The following AGPAT5 variants were observed in gnomAD, a reference collection of about 807,000 sequenced individuals.
The protein encoded by AGPAT5 is 1-acylglycerol-3-phosphate O-acyltransferase 5, also known as 1-acyl-sn-glycerol-3-phosphate acyltransferase epsilon.
In AGPAT5, 46 loss-of-function variants were observed where a neutral mutation model predicts 45.6. That is an observed-to-expected ratio of 1.01 (90% CI 0.80 to 1.29). The LOEUF is 1.29. Ranked by LOEUF, AGPAT5 falls within the 50% of genes most tolerant of loss-of-function variation. The pLI, the probability that AGPAT5 is intolerant of heterozygous loss-of-function variation, is 0.00. For missense variants in AGPAT5, 673 were observed against 450.7 expected, an observed-to-expected ratio of 1.49 and a Z score of -4.47; for synonymous variants, 272 against 167.0, an observed-to-expected ratio of 1.63 and a Z score of -4.85.
At chr8:6,719,456 C>T (rs574308557) in intron 1 of AGPAT5, among the ~76,000 whole-genome samples, 7 of 152,288 alleles carry the variant, frequency 4.6e-5, no homozygotes, top group South Asian at 2.1e-4. Flanking sequence ...AATTCCCACC[C>T]GGAACAGGAA....
At chr8:6,727,673 G>A (rs986766129) in intron 2 of AGPAT5, among the ~76,000 whole-genome samples, 2 of 152,188 alleles carry the variant, frequency 1.3e-5, no homozygotes, top group Non-Finnish European at 2.9e-5. Flanking sequence ...GAGCCACTGT[G>A]CCCTGCCTGC....
At chr8:6,755,462 A>T (rs916720677) in intron 7 of AGPAT5, among the ~76,000 whole-genome samples, 3 of 152,172 alleles carry the variant, frequency 2.0e-5, no homozygotes, top group East Asian at 3.9e-4. Flanking sequence ...ACACAAAAAA[A>T]CTTTCCAGTG....
At chr8:6,739,018 A>AT (rs1235638594) in intron 4 of AGPAT5, among the ~76,000 whole-genome samples, 13 of 151,980 alleles carry the variant, frequency 8.6e-5, no homozygotes, top group East Asian at 1.9e-4. Flanking sequence ...CGAAGTTCAT[A>AT]TTTTTTTAAT....
intron 4 of AGPAT5, among the ~76,000 whole-genome samples, chr8:6,739,896 A>G (rs1009819063): frequency 1.3e-5 from 2 of 152,048 alleles, no homozygotes; most frequent in Admixed American, 6.5e-5. Context: ...TGCCCTTCCT[A>G]AATTTTTTCT....
chr8:6,742,631 T>C (rs773478570), intron 5 of AGPAT5, among the ~76,000 whole-genome samples: 8 of 152,254 alleles, frequency 5.3e-5, no homozygotes, highest in Non-Finnish European at 1.0e-4. Flanking sequence ...AATGTGGTTT[T>C]TGAGCATTCA....
intron 4 of AGPAT5, among the ~76,000 whole-genome samples, chr8:6,737,204 C>T (rs964906826): frequency 3.9e-5 from 6 of 152,184 alleles, no homozygotes; most frequent in African/African-American, 1.4e-4. Context: ...ACTGTAAGGT[C>T]ACTGTCCCAG....
intron 1 of AGPAT5, among the ~76,000 whole-genome samples, chr8:6,723,561 A>C (rs1353966021): frequency 6.6e-6 from 1 of 151,956 alleles, no homozygotes; most frequent in Non-Finnish European, 1.5e-5. Flanking sequence ...AATGGTCTTG[A>C]TGCAATTCTG....
At chr8:6,722,387 C>G (rs1800530838) in intron 1 of AGPAT5, among the ~76,000 whole-genome samples, 1 of 152,164 alleles carries the variant, frequency 6.6e-6, no homozygotes, top group Non-Finnish European at 1.5e-5. Context: ...CTATACTTAA[C>G]AACAGCAAAA....
chr8:6,734,284 C>T (rs1366502307), intron 4 of AGPAT5, among the ~76,000 whole-genome samples: 2 of 149,350 alleles, frequency 1.3e-5, no homozygotes, highest in South Asian at 2.1e-4. Flanking sequence ...TTTTTTTACG[C>T]CCCCTCCCTT....
At chr8:6,718,668 A>G (rs138445936) in intron 1 of AGPAT5, among the ~76,000 whole-genome samples, 1 of 152,206 alleles carries the variant, frequency 6.6e-6, no homozygotes, top group African/African-American at 2.4e-5. Flanking sequence ...AAATTTCACA[A>G]GACATTCTTA....
At chr8:6,718,053 CA>C (rs1366513036) in intron 1 of AGPAT5, among the ~76,000 whole-genome samples, 3 of 152,188 alleles carry the variant, frequency 2.0e-5, no homozygotes, top group Admixed American at 2.0e-4. Context: ...TACTTTTTGT[CA>C]TGCTATTTTG....
intron 1 of AGPAT5, among the ~76,000 whole-genome samples, chr8:6,717,036 A>C (rs117359257): frequency 0.013 from 1,949 of 152,322 alleles, 18 homozygotes; most frequent in Non-Finnish European, 0.022. Flanking sequence ...AAATAGATGA[A>C]GGAGGAAGAA....
chr8:6,730,696 G>T lies in AGPAT5; in HGVS notation c.290-15G>T. On this transcript the variant is annotated splice_polypyrimidine_tract_variant and intron_variant, in intron 2 of 7. Transcript: ENST00000285518. ...AGAGCCTCATGTACGCGCTAACTGGGTCCTGTCTCTGCAGTTGACTGGATT... is the reference window on the plus strand; with the variant it reads ...AGAGCCTCATGTACGCGCTAACTGGTTCCTGTCTCTGCAGTTGACTGGATT... 1 of 1,587,792 alleles carries T rather than the reference G, an allele frequency of 6.3e-7. No homozygotes were observed. The highest frequency in any genetic ancestry group is 1.1e-5 in the South Asian group (1 of 89,978).
chr8:6,749,789 A>G (rs940756692), intron 6 of AGPAT5, among the ~76,000 whole-genome samples: 8 of 152,194 alleles, frequency 5.3e-5, no homozygotes, highest in African/African-American at 1.9e-4. Flanking sequence ...AAACAGATAG[A>G]CTCCCCATAA....
chr8:6,722,741 C>T (rs1415011011), intron 1 of AGPAT5, among the ~76,000 whole-genome samples: 3 of 152,104 alleles, frequency 2.0e-5, no homozygotes, highest in African/African-American at 7.2e-5. Context: ...TTGACGAAAG[C>T]AGAATAACTA....
At chr8:6,724,772 T>C (rs1800627393) in intron 1 of AGPAT5, 98 bp from the exon 2 acceptor site, 2 of 392,900 alleles carry the variant, frequency 5.1e-6, no homozygotes, top group Non-Finnish European at 9.3e-6. Context: ...GATGGAAATA[T>C]TCACAACATC....
At chr8:6,725,612 T>C (rs1447857397) in intron 2 of AGPAT5, among the ~76,000 whole-genome samples, 1 of 152,200 alleles carries the variant, frequency 6.6e-6, no homozygotes, top group Non-Finnish European at 1.5e-5. Context: ...AGTAGCAGAA[T>C]CAGGAAATTG....
At chr8:6,711,148 T>C (rs752663876) in intron 1 of AGPAT5, among the ~76,000 whole-genome samples, 1 of 152,196 alleles carries the variant, frequency 6.6e-6, no homozygotes, top group South Asian at 2.1e-4. Flanking sequence ...AAATAAGTGG[T>C]TCACAGTAGT....
intron 5 of AGPAT5, among the ~76,000 whole-genome samples, chr8:6,742,107 T>C (rs1323586047): frequency 6.6e-6 from 1 of 152,210 alleles, no homozygotes; most frequent in East Asian, 1.9e-4. Flanking sequence ...CAGACCTAAG[T>C]TGGAGTCCAA....
Sources: allele counts gnomAD v4.1 joint callset (sites outside exome capture counted in the v4.1 genomes callset), GRCh38; gene constraint gnomAD v4.1.1; transcripts MANE v1.5; gene names NCBI Gene and HGNC (gene_info 2026-07-23, HGNC 2026-07-21).